Variants in SUPT3H observed in about 807,000 individuals in gnomAD.
The protein encoded by SUPT3H is SPT3 homolog, SAGA and STAGA complex component.
A neutral mutation model predicts 44.3 loss-of-function variants in SUPT3H; 44 were observed. The observed-to-expected ratio is 0.99, with a 90% CI of 0.78 to 1.28. The LOEUF is 1.28. Ranked by LOEUF, SUPT3H falls within the 50% of genes most tolerant of loss-of-function variation. The pLI, the probability that SUPT3H is intolerant of heterozygous loss-of-function variation, is 0.00. For synonymous variants in SUPT3H, 124 were observed against 125.6 expected, an observed-to-expected ratio of 0.99 and a Z score of 0.09; for missense variants, 380 against 387.1, an observed-to-expected ratio of 0.98 and a Z score of 0.15.
intron 9 of SUPT3H, among the ~76,000 whole-genome samples, chr6:44,941,859 G>A (rs1043061943): frequency 2.0e-5 from 3 of 152,062 alleles, no homozygotes; most frequent in Admixed American, 1.3e-4. Flanking sequence ...TTTCCAGTGA[G>A]TAAAACTCAA....
intron 4 of SUPT3H, among the ~76,000 whole-genome samples, chr6:45,017,664 A>G (rs200024665): frequency 0.32 from 47,085 of 145,184 alleles, 8,451 homozygotes; most frequent in Non-Finnish European, 0.4. Context: ...GTAGATATGC[A>G]GCGTTATTTC....
chr6:45,312,493 C>A (rs1333866804), intron 2 of SUPT3H, among the ~76,000 whole-genome samples: 2 of 137,688 alleles, frequency 1.5e-5, no homozygotes, highest in Non-Finnish European at 3.0e-5. Context: ...CCAGCCTGGA[C>A]GACAGAGTGA....
At chr6:45,011,245 AAAT>A (rs1190896092) in intron 5 of SUPT3H, among the ~76,000 whole-genome samples, 1 of 152,042 alleles carries the variant, frequency 6.6e-6, no homozygotes, top group African/African-American at 2.4e-5. Flanking sequence ...ATTAGTTGGG[AAAT>A]AATTGGTATT....
intron 2 of SUPT3H, chr6:45,328,331 T>C (rs1355737758): frequency 2.2e-6 from 3 of 1,375,080 alleles, no homozygotes; most frequent in Non-Finnish European, 2.9e-6. Flanking sequence ...GAATGCTTCA[T>C]TCGCCTCACA....
At chr6:45,007,411 T>A (rs1782866025) in intron 5 of SUPT3H, among the ~76,000 whole-genome samples, 1 of 152,120 alleles carries the variant, frequency 6.6e-6, no homozygotes, top group South Asian at 2.1e-4. Flanking sequence ...CCTCCGAATT[T>A]ATCCTCTATA....
chr6:45,015,390 T>C (rs1384654085), intron 4 of SUPT3H, among the ~76,000 whole-genome samples: 3 of 152,096 alleles, frequency 2.0e-5, no homozygotes, highest in East Asian at 1.9e-4. Context: ...AATGATACAT[T>C]TGTAGAGGGC....
chr6:44,958,490 G>A (rs998477228), intron 7 of SUPT3H, among the ~76,000 whole-genome samples: 1 of 152,112 alleles, frequency 6.6e-6, no homozygotes, highest in Non-Finnish European at 1.5e-5. Flanking sequence ...GGTTTTCCCT[G>A]GAAACTTCCC....
chr6:44,876,399 A>C (rs1197344154), intron 10 of SUPT3H, among the ~76,000 whole-genome samples: 3 of 107,590 alleles, frequency 2.8e-5, no homozygotes, highest in Admixed American at 1.1e-4. Context: ...AAACTATCGC[A>C]AGAACAAAAA....
chr6:45,064,380 A>G (rs9766757), intron 3 of SUPT3H, among the ~76,000 whole-genome samples: 104,233 of 113,756 alleles, frequency 0.92, 47,482 homozygotes, highest in East Asian at 0.94. Flanking sequence ...GACCATCGAG[A>G]CTAGGAAGAA....
At chr6:44,993,243 T>C (rs1051600166) in intron 6 of SUPT3H, among the ~76,000 whole-genome samples, 1 of 152,046 alleles carries the variant, frequency 6.6e-6, no homozygotes, top group African/African-American at 2.4e-5. Flanking sequence ...GCTCTAATCA[T>C]CAAAGCAGAA....
chr6:45,363,343 A>C (rs1157912257), intron 2 of SUPT3H, among the ~76,000 whole-genome samples: 2 of 152,210 alleles, frequency 1.3e-5, no homozygotes, highest in Admixed American at 1.3e-4. Flanking sequence ...AAATACTATA[A>C]ATTTTGAAAT....
chr6:45,036,747 T>G (rs1787730258), intron 3 of SUPT3H, among the ~76,000 whole-genome samples: 1 of 152,142 alleles, frequency 6.6e-6, no homozygotes, highest in Admixed American at 6.6e-5. Context: ...AATTCACCAC[T>G]CATGGACTCT....
At chr6:45,112,677 A>G (rs922292686) in intron 2 of SUPT3H, among the ~76,000 whole-genome samples, 7 of 152,216 alleles carry the variant, frequency 4.6e-5, no homozygotes, top group Non-Finnish European at 5.9e-5. Context: ...AGTTTTAATT[A>G]AAGAGATTCT....
At chr6:45,036,069 C>T (rs1374588637) in intron 3 of SUPT3H, among the ~76,000 whole-genome samples, 1 of 152,112 alleles carries the variant, frequency 6.6e-6, no homozygotes, top group Non-Finnish European at 1.5e-5. Context: ...GAAAATCCAA[C>T]AGAATTCTCA....
intron 10 of SUPT3H, among the ~76,000 whole-genome samples, chr6:44,922,173 A>G (rs888650706): frequency 6.6e-6 from 1 of 152,322 alleles, no homozygotes; most frequent in East Asian, 1.9e-4. Flanking sequence ...GGGAGATTTG[A>G]TCTGTGCATA....
At chr6:45,220,200 A>G (rs1562721830) in intron 2 of SUPT3H, among the ~76,000 whole-genome samples, 2 of 152,078 alleles carry the variant, frequency 1.3e-5, no homozygotes, top group Admixed American at 6.6e-5. Flanking sequence ...ACAAATACAG[A>G]CATAAAATAC....
intron 6 of SUPT3H, among the ~76,000 whole-genome samples, chr6:44,978,491 T>C (rs1420033614): frequency 6.6e-6 from 1 of 152,150 alleles, no homozygotes; most frequent in Non-Finnish European, 1.5e-5. Context: ...ACAAGTATAC[T>C]ACAAACAGTT....
chr6:45,022,305 T>C (rs117944819), intron 3 of SUPT3H, among the ~76,000 whole-genome samples: 1 of 152,094 alleles, frequency 6.6e-6, no homozygotes, highest in East Asian at 1.9e-4. Context: ...TACATATAAA[T>C]AATCTCTATT....
At chr6:45,156,266 T>TACAGCC (rs1554265703) in intron 2 of SUPT3H, among the ~76,000 whole-genome samples, 1 of 152,166 alleles carries the variant, frequency 6.6e-6, no homozygotes, top group Non-Finnish European at 1.5e-5. Context: ...AGCCACAGAA[T>TACAGCC]ACAGCCACCT....
Sources: gnomAD v4.1 joint callset for allele counts (sites outside exome capture counted in the v4.1 genomes callset) on GRCh38, gnomAD v4.1.1 for gene constraint, MANE v1.5 for transcripts, NCBI Gene and HGNC (gene_info 2026-07-23, HGNC 2026-07-21) for gene names.